Variants in RDH11 observed in about 807,000 individuals in gnomAD.
The protein encoded by RDH11 is HCV core-binding protein HCBP12.
RDH11 carries 19 observed loss-of-function variants against 33.4 expected under a neutral mutation model. The ratio of observed to expected loss-of-function variants is 0.57; its 90% CI spans 0.40 to 0.83. The LOEUF (loss-of-function observed/expected upper bound fraction) is 0.83. Ranked by LOEUF, RDH11 falls within the 40% of genes least tolerant of loss-of-function variation. The pLI is 0.00. For missense variants in RDH11, 353 were observed against 389.0 expected (o/e 0.91, Z 0.78); for synonymous variants, 154 against 155.3 (o/e 0.99, Z 0.06).
chr14:67,692,587 C>G lies in RDH11; in HGVS notation c.200G>C (p.Arg67Pro). The change falls in exon 3 of 7, where the codon CGA (arginine) becomes CCA (proline). Residue 67 changes from arginine to proline, a missense_variant. Arg to Pro is a moderately radical substitution (Grantham distance 103). Coordinates refer to ENST00000381346, the MANE Select transcript of RDH11 (RefSeq NM_016026.4). ...TAKELAQRGA[R>P]VYLACRDVEK... The stretch of plus-strand genomic sequence containing the variant: ...CACATCCCGGCAAGCTAAATATACT[C>G]GAGCTCCTGTCAGCCAACATATGAA... 6.4e-7 allele frequency: 1 copy of G among 1,572,250 alleles called. No individual in the cohort carries two copies. The highest frequency in any genetic ancestry group is 8.6e-7 in the Non-Finnish European group (1 of 1,162,192).
At position 67,695,700 on chromosome 14, in the gene RDH11, C is replaced by T. The variant is rs2037823149; in HGVS notation, c.4G>A (p.Val2Ile). Residue 2 changes from valine (V) to isoleucine (I), a missense_variant, in exon 1 of 7, where the codon GTT becomes ATT. By Grantham distance (29) the Val-to-Ile change is conservative. Coordinates refer to ENST00000381346, the MANE Select transcript of RDH11 (RefSeq NM_016026.4). ...AGCAACAGCGGGAACATGAGCTCAA[C>T]CATCTCTGCCGGCTGCAGCGGCACC... M[V>I]ELMFPLLLLL... 1 of 1,614,004 alleles carries T rather than the reference C, an allele frequency of 6.2e-7. No individual in the cohort carries two copies. Among genetic ancestry groups the T allele is most frequent in the Non-Finnish European group, 8.5e-7 (1 of 1,180,016 alleles).
intron 5 of RDH11, among the ~76,000 whole-genome samples, chr14:67,689,911 C>T (rs1158972420): frequency 6.6e-6 from 1 of 151,946 alleles, no homozygotes; most frequent in Non-Finnish European, 1.5e-5. Flanking sequence ...CACCATTGCA[C>T]TCCAGCATGG....
intron 5 of RDH11, among the ~76,000 whole-genome samples, chr14:67,689,214 C>T (rs1037188094): frequency 9.2e-5 from 14 of 152,192 alleles, no homozygotes; most frequent in African/African-American, 3.4e-4. Context: ...CTGAGCTAAC[C>T]ACCAGTTTCC....
In RDH11 at chr14:67,695,744, G is replaced by T; in HGVS notation, c.-41C>A. On this transcript the variant is annotated 5_prime_UTR_variant, in exon 1 of 7. Transcript: ENST00000381346. The stretch of plus-strand genomic sequence containing the variant: ...CGGCACCAGAGCGGGATGCTCCAGC[G>T]TTGCTCGCCGACTATGGCTTCTCTT... 6.3e-7 allele frequency: 1 copy of T among 1,587,990 alleles called. No individual in the cohort carries two copies. Among genetic ancestry groups the T allele is most frequent in the Non-Finnish European group, 8.6e-7 (1 of 1,158,478 alleles).
intron 6 of RDH11, 90 bp downstream of exon 6, chr14:67,684,925 T>C (rs1022524189): frequency 5.9e-6 from 6 of 1,016,106 alleles, no homozygotes; most frequent in Admixed American, 2.4e-5. Flanking sequence ...TATGAGACAA[T>C]GTACTTTTAA....
intron 6 of RDH11, among the ~76,000 whole-genome samples, chr14:67,679,021 C>T (rs1299170795): frequency 6.6e-6 from 1 of 152,108 alleles, no homozygotes; most frequent in Non-Finnish European, 1.5e-5. Context: ...ATACGACAAA[C>T]TGGGTAACTA....
chr14:67,685,633 AT>A (rs1252222687), intron 5 of RDH11, among the ~76,000 whole-genome samples: 1 of 150,540 alleles, frequency 6.6e-6, no homozygotes, highest in African/African-American at 2.4e-5. Context: ...CATCCCCTTC[AT>A]TTTTTTGAGA....
intron 1 of RDH11, among the ~76,000 whole-genome samples, chr14:67,693,590 G>A (rs1327262294): frequency 6.6e-6 from 1 of 150,710 alleles, no homozygotes; most frequent in African/African-American, 2.4e-5. Flanking sequence ...GTACAAAGGG[G>A]AGCTGGGATT....
intron 5 of RDH11, among the ~76,000 whole-genome samples, chr14:67,688,402 A>C (rs2037707375): frequency 6.6e-6 from 1 of 152,212 alleles, no homozygotes; most frequent in South Asian, 2.1e-4. Flanking sequence ...AAATGGAAAG[A>C]TCTCCAAGAT....
chr14:67,688,515 A>C (rs917073096), intron 5 of RDH11, among the ~76,000 whole-genome samples: 2 of 152,142 alleles, frequency 1.3e-5, no homozygotes, highest in African/African-American at 4.8e-5. Flanking sequence ...TGGTCATATG[A>C]AGGGAGAAGA....
intron 6 of RDH11, among the ~76,000 whole-genome samples, chr14:67,679,404 GTT>G (rs532131167): frequency 1.6e-4 from 23 of 140,720 alleles, no homozygotes; most frequent in Admixed American, 2.2e-4. Flanking sequence ...TTAATTCCAA[GTT>G]TTTTTTTTTT....
intron 2 of RDH11, 136 bp downstream of exon 2, chr14:67,692,798 T>G (rs2037767901): frequency 9.1e-6 from 8 of 878,556 alleles, no homozygotes; most frequent in Non-Finnish European, 1.4e-5. Flanking sequence ...TAGTACTAGT[T>G]TCAGATCAGC....
intron 5 of RDH11, among the ~76,000 whole-genome samples, chr14:67,688,796 T>C (rs1352598895): frequency 2.6e-5 from 4 of 152,164 alleles, no homozygotes; most frequent in Non-Finnish European, 4.4e-5. Context: ...TTACATTTAA[T>C]AGTTTGTATA....
chr14:67,692,544 C>T lies in RDH11; in HGVS notation c.243G>A (p.Val81=). 1.2e-6 allele frequency: 2 copies of T among 1,610,518 alleles called. No individual in the cohort carries two copies. The highest frequency in any genetic ancestry group is 1.7e-6 in the Non-Finnish European group (2 of 1,178,702). Residue 81 remains valine, a synonymous_variant, in exon 3 of 7, where the codon GTG becomes GTA. Coordinates refer to ENST00000381346, the MANE Select transcript of RDH11 (RefSeq NM_016026.4). ...CTGTCGTGGTCTGGATCTCTTTGGC[C>T]ACCAATTCCCCCTTTTCCACATCCC... ...ACRDVEKGEL[V]AKEIQTTTGN... is the part of the protein sequence containing the mutation.
chr14:67,695,570 A>G (rs2037820040), intron 1 of RDH11, 60 bp downstream of exon 1: 1 of 1,523,226 alleles, frequency 6.6e-7, no homozygotes, highest in Non-Finnish European at 9.0e-7. Flanking sequence ...TGGGGATTCT[A>G]TGTTTCCCTC....
rs756765586 is a variant in RDH11, at chr14:67,695,691, T to G, written c.13A>C (p.Met5Leu). ...AGAAGGAGGAGCAACAGCGGGAACA[T>G]GAGCTCAACCATCTCTGCCGGCTGC... MVELMFPLLLLLLPF... is the reference protein window; with the variant it reads MVELLFPLLLLLLPF... The change falls in exon 1 of 7, where the codon ATG becomes CTG. Residue 5 changes from methionine to leucine, a missense_variant. Transcript: ENST00000381346. The G allele has an allele frequency of 1.5e-5, 25 of 1,614,040 alleles. No homozygotes were observed. Among genetic ancestry groups the G allele is most frequent in the Admixed American group, 3.3e-5 (2 of 60,010 alleles).
intron 1 of RDH11, 78 bp from the exon 2 acceptor site, chr14:67,693,130 T>C (rs1594853201): frequency 2.2e-6 from 2 of 918,170 alleles, no homozygotes; most frequent in East Asian, 2.7e-5. Context: ...TCCCTGTGTC[T>C]TCTGGCTGAG....
chr14:67,684,895 GA>G (rs1171850089), intron 6 of RDH11, 119 bp downstream of exon 6: 1 of 706,728 alleles, frequency 1.4e-6, no homozygotes, highest in Non-Finnish European at 2.2e-6. Flanking sequence ...AAAAACTCTA[GA>G]GTTAAAAGAC....
chr14:67,679,378 C>G (rs1395212391), intron 6 of RDH11, among the ~76,000 whole-genome samples: 1 of 151,816 alleles, frequency 6.6e-6, no homozygotes, highest in Non-Finnish European at 1.5e-5. Flanking sequence ...CATATACCCT[C>G]TCTTCATTGC....
Sources: allele counts gnomAD v4.1 joint callset (sites outside exome capture counted in the v4.1 genomes callset), GRCh38; gene constraint gnomAD v4.1.1; transcripts MANE v1.5; gene names NCBI Gene and HGNC (gene_info 2026-07-23, HGNC 2026-07-21).